Variants in CNTNAP2 observed in about 807,000 individuals in gnomAD.
CNTNAP2 encodes contactin-associated protein-like 2.
Under a neutral mutation model 155.2 loss-of-function variants are expected in CNTNAP2, and 98 were observed. The ratio of observed to expected loss-of-function variants is 0.63; its 90% CI spans 0.54 to 0.75. The LOEUF (loss-of-function observed/expected upper bound fraction) is 0.75. CNTNAP2 is among the 30% of genes least tolerant of loss of function. The pLI is 0.00. For synonymous variants in CNTNAP2, 651 were observed against 631.2 expected, an observed-to-expected ratio of 1.03 and a Z score of -0.47; for missense variants, 1,727 against 1,688.1, an observed-to-expected ratio of 1.02 and a Z score of -0.40.
chr7:146,430,527 A>G (rs1022721896), intron 1 of CNTNAP2, among the ~76,000 whole-genome samples: 5 of 152,044 alleles, frequency 3.3e-5, no homozygotes, highest in African/African-American at 1.2e-4. Context: ...CATTCTCTTC[A>G]TTTTATGGAG....
intron 8 of CNTNAP2, among the ~76,000 whole-genome samples, chr7:147,291,651 A>T (rs918328036): frequency 7.2e-5 from 11 of 152,174 alleles, no homozygotes; most frequent in African/African-American, 2.7e-4. Context: ...GTAGATATAT[A>T]CTTAGGAGGG....
intron 8 of CNTNAP2, among the ~76,000 whole-genome samples, chr7:147,209,131 T>C (rs562292973): frequency 5.0e-4 from 76 of 152,208 alleles, no homozygotes; most frequent in African/African-American, 1.8e-3. Flanking sequence ...AAAATGATAT[T>C]GCTAGATTGA....
chr7:146,648,880 G>A (rs1182427861), intron 1 of CNTNAP2, among the ~76,000 whole-genome samples: 1 of 152,052 alleles, frequency 6.6e-6, no homozygotes, highest in Non-Finnish European at 1.5e-5. Context: ...GAGAGAAGTG[G>A]CTGATTACCA....
chr7:147,975,853 G>A (rs1801418730), intron 14 of CNTNAP2, among the ~76,000 whole-genome samples: 1 of 152,074 alleles, frequency 6.6e-6, no homozygotes, highest in South Asian at 2.1e-4. Flanking sequence ...TAGTCAGTGG[G>A]ATATTTGCTC....
intron 3 of CNTNAP2, among the ~76,000 whole-genome samples, chr7:146,880,296 G>C (rs1466157946): frequency 6.6e-6 from 1 of 151,980 alleles, no homozygotes; most frequent in Non-Finnish European, 1.5e-5. Context: ...CTTATAGAAA[G>C]AAATTCATAA....
chr7:146,364,346 G>C (rs1392395446), intron 1 of CNTNAP2, among the ~76,000 whole-genome samples: 1 of 152,032 alleles, frequency 6.6e-6, no homozygotes, highest in East Asian at 1.9e-4. Context: ...GAGAACTAAG[G>C]CTGACTTACA....
intron 1 of CNTNAP2, among the ~76,000 whole-genome samples, chr7:146,761,635 T>C (rs1415486477): frequency 1.3e-5 from 2 of 151,124 alleles, no homozygotes; most frequent in Non-Finnish European, 2.9e-5. Flanking sequence ...TGTCATTTTA[T>C]GTGTAGTGAA....
intron 1 of CNTNAP2, among the ~76,000 whole-genome samples, chr7:146,770,552 C>T (rs892000373): frequency 2.0e-5 from 3 of 151,516 alleles, no homozygotes; most frequent in Non-Finnish European, 4.4e-5. Context: ...TTTGCAGTCA[C>T]CTTTAAAAAA....
At chr7:147,587,877 A>G (rs1358084470) in intron 12 of CNTNAP2, among the ~76,000 whole-genome samples, 1 of 152,160 alleles carries the variant, frequency 6.6e-6, no homozygotes, top group Non-Finnish European at 1.5e-5. Context: ...GCATTATTTA[A>G]AAGTATATTA....
At chr7:147,245,953 A>G (rs1239682808) in intron 8 of CNTNAP2, among the ~76,000 whole-genome samples, 1 of 150,292 alleles carries the variant, frequency 6.7e-6, no homozygotes, top group African/African-American at 2.4e-5. Flanking sequence ...ATATACAAAT[A>G]TATGCATGCA....
intron 4 of CNTNAP2, among the ~76,000 whole-genome samples, chr7:147,103,479 CA>C (rs1800694271): frequency 6.6e-6 from 1 of 152,076 alleles, no homozygotes; most frequent in African/African-American, 2.4e-5. Context: ...AAATGTATTT[CA>C]AACTCTTGAA....
intron 10 of CNTNAP2, among the ~76,000 whole-genome samples, chr7:147,405,276 A>T (rs1796986505): frequency 6.6e-6 from 1 of 152,196 alleles, no homozygotes; most frequent in African/African-American, 2.4e-5. Context: ...GCAAAATAAA[A>T]ATAAGAGCAA....
chr7:146,147,442 A>T (rs753086539), intron 1 of CNTNAP2, among the ~76,000 whole-genome samples: 3 of 152,136 alleles, frequency 2.0e-5, no homozygotes, highest in Non-Finnish European at 4.4e-5. Context: ...CTGTCTTTTC[A>T]TGCTGTAGCA....
intron 3 of CNTNAP2, among the ~76,000 whole-genome samples, chr7:146,937,369 T>TA (rs1796940536): frequency 6.9e-6 from 1 of 145,620 alleles, no homozygotes; most frequent in African/African-American, 2.6e-5. Context: ...AAAATAAAAA[T>TA]AAAATAAAAT....
chr7:146,426,885 A>G (rs951678489), intron 1 of CNTNAP2, among the ~76,000 whole-genome samples: 26 of 151,966 alleles, frequency 1.7e-4, no homozygotes, highest in Non-Finnish European at 3.2e-4. Context: ...AACAATAATA[A>G]GTATGTGAGG....
chr7:148,009,404 T>C (rs142005796), intron 15 of CNTNAP2, among the ~76,000 whole-genome samples: 177 of 152,300 alleles, frequency 1.2e-3, no homozygotes, highest in Admixed American at 3.3e-3. Flanking sequence ...CAAACTGTCA[T>C]AAGTCAGGGT....
intron 1 of CNTNAP2, among the ~76,000 whole-genome samples, chr7:146,522,545 T>G (rs1043655806): frequency 6.6e-6 from 1 of 151,900 alleles, no homozygotes. Context: ...TTTTGAGCAG[T>G]CCAGCCTAAG....
At chr7:148,152,656 CA>C (rs1407418068) in intron 17 of CNTNAP2, among the ~76,000 whole-genome samples, 4 of 152,144 alleles carry the variant, frequency 2.6e-5, no homozygotes, top group Non-Finnish European at 5.9e-5. Flanking sequence ...ATTGGTTTTA[CA>C]AAGGCAGTTT....
At chr7:147,980,298 G>A (rs1193203680) in intron 15 of CNTNAP2, among the ~76,000 whole-genome samples, 3 of 152,078 alleles carry the variant, frequency 2.0e-5, no homozygotes, top group Non-Finnish European at 2.9e-5. Flanking sequence ...AAGTATAGTG[G>A]TCATTGTTCA....
Sources: allele counts gnomAD v4.1 joint callset (sites outside exome capture counted in the v4.1 genomes callset), GRCh38; gene constraint gnomAD v4.1.1; transcripts MANE v1.5; gene names NCBI Gene and HGNC (gene_info 2026-07-23, HGNC 2026-07-21).